The following CPLANE1 variants were observed in gnomAD, a reference collection of about 807,000 sequenced individuals.
The protein encoded by CPLANE1 is ciliogenesis and planar polarity effector complex subunit 1.
CPLANE1 carries 263 observed loss-of-function variants against 362.5 expected under a neutral mutation model. The ratio of observed to expected loss-of-function variants is 0.73; its 90% CI spans 0.66 to 0.80. CPLANE1 has a LOEUF of 0.80. Among genes scored for constraint, CPLANE1 ranks in the 30% least tolerant of loss-of-function variants. The pLI, the probability that CPLANE1 is intolerant of heterozygous loss-of-function variation, is 0.00. For synonymous variants in CPLANE1, 1,212 were observed against 1,302.6 expected, an observed-to-expected ratio of 0.93 and a Z score of 1.50; for missense variants, 3,461 against 3,793.4, an observed-to-expected ratio of 0.91 and a Z score of 2.30.
intron 8 of CPLANE1, among the ~76,000 whole-genome samples, chr5:37,232,651 A>C (rs1029640004): frequency 6.6e-6 from 1 of 151,424 alleles, no homozygotes; most frequent in Non-Finnish European, 1.5e-5. Context: ...AGCCAGGGCA[A>C]CATAGCAAGA....
At chr5:37,231,645 C>G (rs1244409832) in intron 8 of CPLANE1, among the ~76,000 whole-genome samples, 1 of 152,118 alleles carries the variant, frequency 6.6e-6, no homozygotes, top group East Asian at 1.9e-4. Flanking sequence ...CAATCAAGAT[C>G]TACTGATAGA....
chr5:37,154,929 T>A (rs201676618), intron 41 of CPLANE1, among the ~76,000 whole-genome samples: 7 of 152,132 alleles, frequency 4.6e-5, no homozygotes, highest in Non-Finnish European at 8.8e-5. Context: ...GCTCAGCAAA[T>A]AGCACCACCG....
chr5:37,204,741 TA>T (rs1464151807), intron 18 of CPLANE1, among the ~76,000 whole-genome samples: 3 of 121,544 alleles, frequency 2.5e-5, no homozygotes, highest in African/African-American at 1.3e-4. Flanking sequence ...AAAGCTACTT[TA>T]ATATTTAAAA....
intron 47 of CPLANE1, among the ~76,000 whole-genome samples, chr5:37,123,595 C>T (rs1045798033): frequency 6.6e-6 from 1 of 152,204 alleles, no homozygotes; most frequent in African/African-American, 2.4e-5. Flanking sequence ...GGCAGGAGTG[C>T]AGGGGCATGA....
At chr5:37,174,423 T>G (rs188289059) in intron 31 of CPLANE1, among the ~76,000 whole-genome samples, 1 of 152,262 alleles carries the variant, frequency 6.6e-6, no homozygotes, top group Admixed American at 6.5e-5. Flanking sequence ...AGAAAACTAC[T>G]GTTTATCATC....
chr5:37,096,621 C>T, the CPLANE1 span, among the ~76,000 whole-genome samples: 4 of 152,108 alleles, frequency 2.6e-5, no homozygotes, highest in African/African-American at 9.7e-5. Context: ...AAACAGATAA[C>T]CCACAGAGTG....
At chr5:37,147,659 A>G (rs1772070534) in intron 43 of CPLANE1, among the ~76,000 whole-genome samples, 1 of 152,156 alleles carries the variant, frequency 6.6e-6, no homozygotes, top group African/African-American at 2.4e-5. Flanking sequence ...TGAAAAGACT[A>G]AACTGACAAG....
chr5:37,095,081 A>G, the CPLANE1 span, among the ~76,000 whole-genome samples: 8 of 152,214 alleles, frequency 5.3e-5, no homozygotes, highest in South Asian at 4.1e-4. Context: ...AAGTCTTTCT[A>G]TGAAGCCAGT....
intron 9 of CPLANE1, among the ~76,000 whole-genome samples, chr5:37,229,487 C>A (rs962961076): frequency 7.9e-5 from 12 of 151,806 alleles, no homozygotes; most frequent in Admixed American, 7.2e-4. Context: ...TGCAGTGAGC[C>A]GAGATGGCGC....
At position 37,154,025 on chromosome 5, in the gene CPLANE1, A is replaced by G. The variant is rs778849927; in HGVS notation, c.8120-32T>C. The stretch of plus-strand genomic sequence containing the variant: ...ATTAATAAGAATAAAAGCAGAATTG[A>G]TTATAATTAAAGAAGAGGTATTATT... On this transcript the variant is annotated intron_variant, in intron 41 of 52. Transcript: ENST00000651892. The G allele has an allele frequency of 3.2e-6, 5 of 1,549,990 alleles. No homozygotes were observed. The African/African-American group carries it at 5.5e-5, about 17-fold the overall frequency.
chr5:37,195,891 G>C lies in CPLANE1; in HGVS notation c.3778C>G (p.His1260Asp), dbSNP rs768012177. 1 of 1,612,434 alleles carries C rather than the reference G, an allele frequency of 6.2e-7. No homozygotes were observed. Among genetic ancestry groups the C allele is most frequent in the Admixed American group, 1.7e-5 (1 of 59,788 alleles). The change falls in exon 21 of 53, where the codon CAC (histidine) becomes GAC (aspartate). Residue 1260 changes from histidine (H) to aspartate (D), a missense_variant. By Grantham distance (81) the His-to-Asp change is moderately conservative (BLOSUM62 -1). Coordinates refer to ENST00000651892, the MANE Select transcript of CPLANE1 (RefSeq NM_001384732.1). ...CTAATGGAAACTTCATCAAGCTTGT[G>C]GTCTCCAGCTGCTCCAGGTCTAAAA... ...AFFRPGAAGDHKLDEVSIRAI... is the reference protein window; with the variant it reads ...AFFRPGAAGDDKLDEVSIRAI...
At chr5:37,183,735 ATCAT>A in intron 25 of CPLANE1, 36 bp from the exon 26 acceptor site, 1 of 1,352,370 alleles carries the variant, frequency 7.4e-7, no homozygotes, top group Non-Finnish European at 1.0e-6. Flanking sequence ...AAAATTAGAG[ATCAT>A]TTAATCACTA....
intron 28 of CPLANE1, among the ~76,000 whole-genome samples, chr5:37,179,656 G>A (rs2151092968): frequency 6.6e-6 from 1 of 152,264 alleles, no homozygotes; most frequent in East Asian, 1.9e-4. Flanking sequence ...TATTCAGTAT[G>A]TTTAACTCCA....
At position 37,245,905 on chromosome 5, in the gene CPLANE1, C is replaced by T. The variant is rs1354731430; in HGVS notation, c.82-60G>A. ...GCCAGAAATTAATTCAACTTACTGC[C>T]TAAATAAATTATCCCAGAAATCAAA... On this transcript the variant is annotated intron_variant, in intron 2 of 52. Transcript: ENST00000651892. The T allele has an allele frequency of 3.6e-6, 5 of 1,382,542 alleles. No individual in the cohort carries two copies. The African/African-American group carries it at 7.3e-5, about 20-fold the overall frequency. 85.6% of individuals were successfully genotyped at this position (1,382,542 alleles called of 1,614,324 possible).
rs1413219707 is a variant in CPLANE1 at position 37,158,325 on chromosome 5, G to A, written c.7711C>T (p.Pro2571Ser). The A allele has an allele frequency of 1.2e-6, 2 of 1,613,384 alleles. No individual in the cohort carries two copies. Among genetic ancestry groups the A allele is most frequent in the South Asian group, 2.2e-5 (2 of 90,998 alleles). The change falls in exon 39 of 53, where the codon CCT becomes TCT. Residue 2571 changes from proline to serine, a missense_variant. Around this residue, in one of 2 missense-constraint regions of CPLANE1, gnomAD observed 3,380 missense variants for 3,666.1 expected, o/e 0.92. Transcript: ENST00000651892. ...TDPEHEPLTA[P>S]QLLVPDVYLN... is the part of the protein sequence containing the mutation. ...TAGACATCTGGGACCAAGAGCTGAG[G>A]AGCAGTCAAAGGCTCATGTTCTGAA...
chr5:37,247,647 G>GT lies in CPLANE1; in HGVS notation c.51dup (p.Pro18ThrfsTer20), dbSNP rs371149415. 7 of 1,551,216 alleles carry GT rather than the reference G, an allele frequency of 4.5e-6. No individual in the cohort carries two copies. The highest frequency in any genetic ancestry group is 5.2e-6 in the Non-Finnish European group (6 of 1,146,522). On this transcript the variant is annotated frameshift_variant, in exon 2 of 53. Transcript: ENST00000651892. ...CCCAACCAGGAGACACGTGGCCATG[G>GT]TTTTTTCTGCTTAATACCTGTTGAT...
intron 47 of CPLANE1, among the ~76,000 whole-genome samples, chr5:37,123,109 T>C (rs1763124868): frequency 6.6e-6 from 1 of 152,156 alleles, no homozygotes; most frequent in Admixed American, 6.5e-5. Flanking sequence ...AAATTAGACA[T>C]TTAAAATTAT....
intron 47 of CPLANE1, among the ~76,000 whole-genome samples, chr5:37,123,697 A>ATT (rs552739315): frequency 1.3e-5 from 2 of 150,746 alleles, no homozygotes; most frequent in African/African-American, 4.9e-5. Flanking sequence ...TCATTTTCTT[A>ATT]TTTTTTTTTG....
intron 9 of CPLANE1, among the ~76,000 whole-genome samples, chr5:37,230,447 A>C (rs1561679055): frequency 6.6e-6 from 1 of 152,086 alleles, no homozygotes; most frequent in Non-Finnish European, 1.5e-5. Flanking sequence ...CAAAAATTAA[A>C]ATACGGCTAA....
Sources: gnomAD v4.1 joint callset for allele counts (sites outside exome capture counted in the v4.1 genomes callset) on GRCh38, gnomAD v4.1.1 for gene constraint, gnomAD v4.1.1 regional missense constraint, MANE v1.5 for transcripts, NCBI Gene and HGNC (gene_info 2026-07-23, HGNC 2026-07-21) for gene names.